The following KALRN variants were observed in gnomAD, a reference collection of about 807,000 sequenced individuals.
KALRN encodes the protein kalirin.
In KALRN, 70 loss-of-function variants were observed where a neutral mutation model predicts 353.7. That is an observed-to-expected ratio of 0.20 (90% CI 0.16 to 0.24). The LOEUF is 0.24. Among genes scored for constraint, KALRN ranks in the 10% least tolerant of loss-of-function variants. The pLI, the probability that KALRN is intolerant of heterozygous loss-of-function variation, is 1.00. For synonymous variants in KALRN, 1,391 were observed against 1,434.8 expected (o/e 0.97, Z 0.69); for missense variants, 2,791 against 3,756.7 (o/e 0.74, Z 6.72).
intron 29 of KALRN, among the ~76,000 whole-genome samples, chr3:124,489,892 A>G (rs114292909): frequency 2.2e-3 from 329 of 152,344 alleles, no homozygotes; most frequent in African/African-American, 7.1e-3. Context: ...AGCATCTCTT[A>G]AAAACTTCAA....
At chr3:124,320,455 G>A (rs1157524064) in intron 6 of KALRN, among the ~76,000 whole-genome samples, 2 of 152,190 alleles carry the variant, frequency 1.3e-5, no homozygotes, top group Non-Finnish European at 2.9e-5. Context: ...TGCCTCTCTC[G>A]AGCTGAAGAC....
intron 6 of KALRN, among the ~76,000 whole-genome samples, chr3:124,320,078 G>A (rs573710899): frequency 3.3e-5 from 5 of 152,198 alleles, no homozygotes; most frequent in South Asian, 2.1e-4. Flanking sequence ...TTTCTCAGTC[G>A]AGGCAATACT....
At chr3:124,164,432 C>G (rs1249584667) in intron 1 of KALRN, 2 of 152,192 alleles carry the variant, frequency 1.3e-5, no homozygotes, top group African/African-American at 4.8e-5. Flanking sequence ...TGGGAGCAAA[C>G]CCACTCTTCT....
intron 55 of KALRN, among the ~76,000 whole-genome samples, chr3:124,698,129 C>T (rs333275): frequency 0.015 from 2,218 of 152,168 alleles, 56 homozygotes; most frequent in African/African-American, 0.051. Flanking sequence ...CCACCACACC[C>T]GGCTAATTTT....
chr3:124,158,449 G>A (rs928948431), intron 1 of KALRN, among the ~76,000 whole-genome samples: 6 of 152,202 alleles, frequency 3.9e-5, no homozygotes, highest in Admixed American at 6.5e-5. Context: ...AGTAGAAGCC[G>A]GATCTGAGCT....
chr3:124,671,623 C>T (rs1401176196), intron 47 of KALRN, 37 bp from the exon 48 acceptor site: 2 of 1,496,892 alleles, frequency 1.3e-6, no homozygotes, highest in Non-Finnish European at 1.9e-6. Context: ...TGTGGGATTC[C>T]CAAAGCTTAG....
chr3:124,189,994 A>T (rs2074714678), intron 1 of KALRN, among the ~76,000 whole-genome samples: 1 of 152,046 alleles, frequency 6.6e-6, no homozygotes, highest in African/African-American at 2.4e-5. Flanking sequence ...ACTTTTAAAC[A>T]GAGCTTCACA....
rs752223174 is a variant in KALRN at position 124,492,783 on chromosome 3, G to A, written c.4733G>A (p.Arg1578Gln). 5 of 1,613,962 alleles carry A rather than the reference G, an allele frequency of 3.1e-6. No individual in the cohort carries two copies. Among genetic ancestry groups the A allele is most frequent in the Admixed American group, 1.7e-5 (1 of 60,002 alleles). ...ETKQEWIKNI[R>Q]EVIQERIIHL... ...AAGCAGGAGTGGATCAAGAACATTC[G>A]AGAAGTGATTCAAGAAAGGATCATT... Residue 1578 changes from arginine (R) to glutamine (Q), a missense_variant, in exon 32 of 60, where the codon CGA (arginine) becomes CAA (glutamine). Arg to Gln is a conservative substitution (Grantham distance 43). Transcript: ENST00000682506.
rs79543201 is a variant in KALRN at position 124,428,024 on chromosome 3, A to G, written c.2710-2632A>G. On this transcript the variant is annotated intron_variant, in intron 15 of 59. Coordinates refer to ENST00000682506, the MANE Select transcript of KALRN (RefSeq NM_001388419.1). The stretch of plus-strand genomic sequence containing the variant: ...TTAGGGAGCTTAAATGATGTTTGCA[A>G]TGTCACACAGCTCAAAATTAGTAGA... 9.3e-3 allele frequency among the ~76,000 whole-genome samples: 1,413 copies of G among 152,262 alleles called. 9 individuals are homozygous for G. The highest frequency in any genetic ancestry group is 0.019 in the Admixed American group (292 of 15,294).
chr3:124,207,137 C>T (rs1471051069), intron 1 of KALRN, among the ~76,000 whole-genome samples: 1 of 152,192 alleles, frequency 6.6e-6, no homozygotes, highest in African/African-American at 2.4e-5. Flanking sequence ...GGGAGAGTCA[C>T]CAGAGTTTGC....
At chr3:124,637,376 C>A in intron 37 of KALRN, 73 bp downstream of exon 37, 1 of 1,105,688 alleles carries the variant, frequency 9.0e-7, no homozygotes, top group South Asian at 1.2e-5. Context: ...ATCTGTCTGC[C>A]GTTTTCTCCT....
chr3:124,174,894 C>T (rs2072442537), intron 1 of KALRN, among the ~76,000 whole-genome samples: 1 of 152,218 alleles, frequency 6.6e-6, no homozygotes, highest in African/African-American at 2.4e-5. Flanking sequence ...AAGCTAGTCA[C>T]CATCTTCAGA....
chr3:124,300,966 A>G (rs944462886), intron 6 of KALRN, among the ~76,000 whole-genome samples: 6 of 152,226 alleles, frequency 3.9e-5, no homozygotes, highest in Non-Finnish European at 1.5e-5. Context: ...GTGAACTCAA[A>G]TCTAGTCAAG....
chr3:124,601,193 T>G (rs941827525), intron 34 of KALRN, among the ~76,000 whole-genome samples: 1 of 152,190 alleles, frequency 6.6e-6, no homozygotes, highest in Non-Finnish European at 1.5e-5. Flanking sequence ...TGAGGGTGGT[T>G]GTGAAGATTC....
At chr3:124,663,241 T>C (rs1313785587) in intron 45 of KALRN, among the ~76,000 whole-genome samples, 1 of 152,200 alleles carries the variant, frequency 6.6e-6, no homozygotes, top group Non-Finnish European at 1.5e-5. Flanking sequence ...GCCACCACAC[T>C]GGGCCGTTTC....
intron 16 of KALRN, among the ~76,000 whole-genome samples, chr3:124,432,798 C>T (rs2093329798): frequency 6.6e-6 from 1 of 152,178 alleles, no homozygotes; most frequent in Non-Finnish European, 1.5e-5. Context: ...ACCTCTTAAT[C>T]AGTTCTGGGT....
intron 2 of KALRN, 26 bp from the exon 3 acceptor site, chr3:124,234,803 C>G: frequency 6.5e-7 from 1 of 1,531,540 alleles, no homozygotes; most frequent in South Asian, 1.2e-5. Flanking sequence ...TTTTCTTAAA[C>G]ACTCTTCTCT....
At chr3:124,395,557 A>G (rs1289714849) in intron 12 of KALRN, 6 of 540,338 alleles carry the variant, frequency 1.1e-5, no homozygotes, top group South Asian at 2.8e-5. Context: ...AGAATTATTT[A>G]TCATTCAGGA....
intron 37 of KALRN, among the ~76,000 whole-genome samples, chr3:124,638,351 A>G (rs564743862): frequency 3.2e-4 from 48 of 152,064 alleles, no homozygotes; most frequent in African/African-American, 1.1e-3. Context: ...AAAAAAAACA[A>G]AAACCTGCTG....
Sources: gnomAD v4.1 joint callset for allele counts (sites outside exome capture counted in the v4.1 genomes callset) on GRCh38, gnomAD v4.1.1 for gene constraint, MANE v1.5 for transcripts, NCBI Gene and HGNC (gene_info 2026-07-23, HGNC 2026-07-21) for gene names.